SLC5A12: variants seen among roughly 807,000 people sequenced by gnomAD.
SLC5A12 encodes the protein solute carrier family 5 member 12.
In SLC5A12, 46 loss-of-function variants were observed where a neutral mutation model predicts 72.7. The ratio of observed to expected loss-of-function variants is 0.63; its 90% CI spans 0.50 to 0.81. SLC5A12 has a LOEUF of 0.81. SLC5A12 is among the 30% of genes least tolerant of loss of function. The pLI is 0.00. For missense variants in SLC5A12, 683 were observed against 740.7 expected, an observed-to-expected ratio of 0.92 and a Z score of 0.90; for synonymous variants, 275 against 264.4, an observed-to-expected ratio of 1.04 and a Z score of -0.39.
intron 4 of SLC5A12, among the ~76,000 whole-genome samples, chr11:26,705,063 C>T (rs1260821629): frequency 5.3e-5 from 8 of 150,902 alleles, no homozygotes; most frequent in Admixed American, 3.9e-4. Context: ...CCCAGCTCCC[C>T]TTTAGAGTCA....
upstream of SLC5A12, among the ~76,000 whole-genome samples, chr11:26,722,274 G>A (rs1038789296): frequency 2.0e-5 from 3 of 152,130 alleles, no homozygotes; most frequent in African/African-American, 7.2e-5. Flanking sequence ...CTGAGGCAGT[G>A]GATGTGGAGA....
At chr11:26,704,697 A>G (rs772183432) in intron 4 of SLC5A12, among the ~76,000 whole-genome samples, 33 of 152,140 alleles carry the variant, frequency 2.2e-4, no homozygotes, top group Admixed American at 1.4e-3. Flanking sequence ...TAGAGATGAA[A>G]AGAAGTGGAT....
intron 1 of SLC5A12, among the ~76,000 whole-genome samples, chr11:26,714,661 T>C (rs1257845033): frequency 1.3e-5 from 2 of 152,190 alleles, no homozygotes; most frequent in East Asian, 3.8e-4. Context: ...CTTTCTTTTC[T>C]GAATTAAAAA....
chr11:26,702,609 C>G (rs73438415), intron 6 of SLC5A12, among the ~76,000 whole-genome samples: 6,329 of 152,142 alleles, frequency 0.042, 156 homozygotes, highest in South Asian at 0.094. Context: ...TACTTTGGAG[C>G]ATGGGGTGGC....
chr11:26,714,925 C>A (rs1052657806), intron 1 of SLC5A12, among the ~76,000 whole-genome samples: 1 of 151,994 alleles, frequency 6.6e-6, no homozygotes, highest in African/African-American at 2.4e-5. Context: ...ATGTATAGTC[C>A]GGTGAATATG....
intron 6 of SLC5A12, among the ~76,000 whole-genome samples, chr11:26,702,307 T>C (rs1854976265): frequency 6.6e-6 from 1 of 152,208 alleles, no homozygotes; most frequent in African/African-American, 2.4e-5. Context: ...ATGAAATATA[T>C]AAGGAGAACA....
intron 4 of SLC5A12, among the ~76,000 whole-genome samples, chr11:26,708,709 A>G (rs1020039269): frequency 2.0e-5 from 3 of 152,108 alleles, no homozygotes; most frequent in Non-Finnish European, 4.4e-5. Context: ...TAGGTGCTCA[A>G]TGAATGTTTA....
chr11:26,673,049 G>A (rs576957729), intron 14 of SLC5A12, among the ~76,000 whole-genome samples: 3 of 152,206 alleles, frequency 2.0e-5, no homozygotes, highest in East Asian at 1.9e-4. Flanking sequence ...ACTGTCTGAC[G>A]CTAAAGTCCA....
rs910341415 is a variant in SLC5A12 at position 26,685,620 on chromosome 11, A to C, written c.1221+857T>G. 5.2e-5 allele frequency among the ~76,000 whole-genome samples: 3 copies of C among 58,010 alleles called. No homozygotes were observed. The South Asian group carries it at 2.4e-3, about 47-fold the overall frequency. 38.1% of individuals were successfully genotyped at this position (58,010 alleles called of 152,430 possible). ...GAGACTCTGTCTCAAAAAAACAAAC[A>C]AACAAAAAAACAAAAAAACCCACAA... On this transcript the variant is annotated intron_variant, in intron 10 of 14. Coordinates refer to ENST00000396005, the MANE Select transcript of SLC5A12 (RefSeq NM_178498.4).
chr11:26,708,197 T>C (rs545072001), intron 4 of SLC5A12, among the ~76,000 whole-genome samples: 48 of 152,130 alleles, frequency 3.2e-4, no homozygotes, highest in African/African-American at 9.9e-4. Flanking sequence ...CTATGATACC[T>C]TTTTCAAGGC....
In SLC5A12 at chr11:26,703,854, C is replaced by G; in HGVS notation, c.619G>C (p.Ala207Pro). 6.2e-7 allele frequency: 1 copy of G among 1,613,948 alleles called. No homozygotes were observed. The highest frequency in any genetic ancestry group is 1.1e-5 in the South Asian group (1 of 91,088). Residue 207 changes from alanine (A) to proline (P), a missense_variant, in exon 5 of 15, where the codon GCT (alanine) becomes CCT (proline). Coordinates refer to ENST00000396005, the MANE Select transcript of SLC5A12 (RefSeq NM_178498.4). ...TCTAATACATTGTGGAATCCCCCAG[C>G]ATGAGTTGATCCTTGAATGAGAACC... The part of the protein sequence containing the change: ...LTVLIQGSTH[A>P]GGFHNVLEQS...
intron 9 of SLC5A12, among the ~76,000 whole-genome samples, chr11:26,690,474 G>A (rs1191944688): frequency 3.3e-5 from 5 of 151,170 alleles, no homozygotes; most frequent in African/African-American, 9.7e-5. Flanking sequence ...TAAAACTGAG[G>A]AATATTTAAA....
At chr11:26,692,368 T>C in intron 9 of SLC5A12, 121 bp downstream of exon 9, 1 of 683,270 alleles carries the variant, frequency 1.5e-6, no homozygotes, top group Non-Finnish European at 2.6e-6. Context: ...GTGGGATTCT[T>C]CACATATCTC....
chr11:26,671,233 T>G lies in SLC5A12; in HGVS notation c.1726A>C (p.Ser576Arg). 1 of 1,601,950 alleles carries G rather than the reference T, an allele frequency of 6.2e-7. No homozygotes were observed. Among genetic ancestry groups the G allele is most frequent in the Non-Finnish European group, 8.5e-7 (1 of 1,174,570 alleles). Residue 576 changes from serine to arginine, a missense_variant, in exon 15 of 15, where the codon AGT (serine) becomes CGT (arginine). Transcript: ENST00000396005. The stretch of plus-strand genomic sequence containing the variant: ...GATTCAGCCCCCTGTTTCCGGGCAC[T>G]GCCATTCTCAAGGTTTTCCTGAGGG... ...GTEQENLENGSARKQGAESVL... is the reference protein window; with the variant it reads ...GTEQENLENGRARKQGAESVL...
At chr11:26,694,398 T>G (rs1370726766) in intron 8 of SLC5A12, among the ~76,000 whole-genome samples, 2 of 152,068 alleles carry the variant, frequency 1.3e-5, no homozygotes, top group African/African-American at 4.8e-5. Context: ...ATTTCTCCAG[T>G]CTGGAGAGAG....
At chr11:26,697,671 C>T (rs1400828358) in intron 7 of SLC5A12, among the ~76,000 whole-genome samples, 1 of 152,086 alleles carries the variant, frequency 6.6e-6, no homozygotes, top group Non-Finnish European at 1.5e-5. Context: ...AGTATATCAG[C>T]ACGATGTTTA....
At chr11:26,672,562 A>T (rs1245563661) in intron 14 of SLC5A12, among the ~76,000 whole-genome samples, 1 of 151,852 alleles carries the variant, frequency 6.6e-6, no homozygotes, top group Non-Finnish European at 1.5e-5. Context: ...CTTCCCATAG[A>T]CCCCTTTAAG....
chr11:26,680,394 C>A (rs1361616761), intron 12 of SLC5A12, among the ~76,000 whole-genome samples: 1 of 76,120 alleles, frequency 1.3e-5, no homozygotes, highest in Non-Finnish European at 2.9e-5. Flanking sequence ...TATATATATT[C>A]ATATATATAT....
intron 8 of SLC5A12, among the ~76,000 whole-genome samples, chr11:26,695,220 A>C (rs1037198475): frequency 1.3e-5 from 2 of 152,110 alleles, no homozygotes; most frequent in Non-Finnish European, 2.9e-5. Context: ...ATAGCTAAAG[A>C]CCAGTAGATC....
Sources: gnomAD v4.1 joint callset for allele counts (sites outside exome capture counted in the v4.1 genomes callset) on GRCh38, gnomAD v4.1.1 for gene constraint, MANE v1.5 for transcripts, NCBI Gene and HGNC (gene_info 2026-07-23, HGNC 2026-07-21) for gene names.